GFOD1: variants seen among roughly 807,000 people sequenced by gnomAD.
GFOD1 encodes the protein glucose-fructose oxidoreductase domain-containing protein 1.
In GFOD1, 9 loss-of-function variants were observed where a neutral mutation model predicts 25.4. The ratio of observed to expected loss-of-function variants is 0.35; its 90% CI spans 0.21 to 0.62. The LOEUF (loss-of-function observed/expected upper bound fraction) is 0.62. Ranked by LOEUF, GFOD1 falls within the 20% of genes least tolerant of loss-of-function variation. The pLI, the probability that GFOD1 is intolerant of heterozygous loss-of-function variation, is 0.72. For synonymous variants in GFOD1, 253 were observed against 245.6 expected (o/e 1.03, Z -0.28); for missense variants, 403 against 556.9 (o/e 0.72, Z 2.78).
chr6:13,461,119 G>A (rs1482092574), intron 1 of GFOD1, among the ~76,000 whole-genome samples: 1 of 152,226 alleles, frequency 6.6e-6, no homozygotes, highest in East Asian at 1.9e-4. Flanking sequence ...CTATTGGCAT[G>A]GGTTATGAGT....
At chr6:13,395,961 G>T (rs1211031296) in intron 1 of GFOD1, among the ~76,000 whole-genome samples, 1 of 152,218 alleles carries the variant, frequency 6.6e-6, no homozygotes, top group African/African-American at 2.4e-5. Context: ...AGGGCAGGCG[G>T]AAGGGGATGC....
chr6:13,473,397 T>C (rs1416815364), intron 1 of GFOD1, among the ~76,000 whole-genome samples: 1 of 152,222 alleles, frequency 6.6e-6, no homozygotes, highest in Non-Finnish European at 1.5e-5. Context: ...GAATCAACTT[T>C]TGCAGTTCTT....
intron 1 of GFOD1, among the ~76,000 whole-genome samples, chr6:13,412,778 TC>T (rs1786101172): frequency 6.6e-6 from 1 of 152,192 alleles, no homozygotes; most frequent in Admixed American, 6.5e-5. Context: ...TCTGAGCACT[TC>T]CCCCGCCCTC....
chr6:13,377,333 G>T (rs1024493160), intron 1 of GFOD1, among the ~76,000 whole-genome samples: 2 of 152,136 alleles, frequency 1.3e-5, no homozygotes, highest in East Asian at 1.9e-4. Context: ...AGTTCAGGTG[G>T]GCTCAGCTGG....
intron 1 of GFOD1, among the ~76,000 whole-genome samples, chr6:13,478,505 G>A (rs1758678077): frequency 6.6e-6 from 1 of 152,212 alleles, no homozygotes; most frequent in East Asian, 1.9e-4. Flanking sequence ...CTTGGAGAGT[G>A]CAGCCCAGAT....
At chr6:13,401,240 G>A (rs1341105569) in intron 1 of GFOD1, among the ~76,000 whole-genome samples, 3 of 152,216 alleles carry the variant, frequency 2.0e-5, no homozygotes, top group Non-Finnish European at 4.4e-5. Flanking sequence ...GACTTGAAAG[G>A]TCTAATTGCC....
At chr6:13,474,908 C>A (rs931013614) in intron 1 of GFOD1, among the ~76,000 whole-genome samples, 1 of 152,266 alleles carries the variant, frequency 6.6e-6, no homozygotes, top group South Asian at 2.1e-4. Context: ...CTCCATGAAC[C>A]ATTTCAGTAA....
chr6:13,370,835 T>A (rs1785138688), intron 1 of GFOD1, among the ~76,000 whole-genome samples: 1 of 152,168 alleles, frequency 6.6e-6, no homozygotes, highest in African/African-American at 2.4e-5. Flanking sequence ...GTGGTTGACA[T>A]ACCCCACAAT....
intron 1 of GFOD1, among the ~76,000 whole-genome samples, chr6:13,466,239 A>G (rs1478161601): frequency 6.6e-6 from 1 of 152,246 alleles, no homozygotes; most frequent in African/African-American, 2.4e-5. Context: ...TTATTGCCAT[A>G]TGGCATGGAG....
At chr6:13,373,430 G>A (rs897149848) in intron 1 of GFOD1, among the ~76,000 whole-genome samples, 1 of 152,126 alleles carries the variant, frequency 6.6e-6, no homozygotes, top group East Asian at 1.9e-4. Flanking sequence ...ACTGTTGTGT[G>A]TATATCCTGA....
At chr6:13,387,086 A>G (rs1325146552) in intron 1 of GFOD1, among the ~76,000 whole-genome samples, 2 of 152,200 alleles carry the variant, frequency 1.3e-5, no homozygotes, top group African/African-American at 4.8e-5. Flanking sequence ...GCAATTTTAA[A>G]CACTCAGTTA....
chr6:13,411,711 T>A (rs1786082080), intron 1 of GFOD1, among the ~76,000 whole-genome samples: 1 of 152,224 alleles, frequency 6.6e-6, no homozygotes, highest in African/African-American at 2.4e-5. Context: ...AGGCCTGCCA[T>A]CCAGTCTGTG....
In GFOD1 at chr6:13,358,719, A is replaced by T. The variant is rs1562189323; in HGVS notation, c.*6024T>A. The T allele has an allele frequency of 6.6e-6, 1 of 152,324 alleles. No homozygotes were observed. The highest frequency in any genetic ancestry group is 2.4e-5 in the African/African-American group (1 of 41,468). 9.4% of individuals were successfully genotyped at this position (152,324 alleles called of 1,614,324 possible). ...GCTGCAGGGGACAGTAGAGACCTGG[A>T]AGGGGAAGGAGAGAGACAGTGACCT... On this transcript the variant is annotated 3_prime_UTR_variant, in exon 2 of 2. Transcript: ENST00000379287.
intron 1 of GFOD1, among the ~76,000 whole-genome samples, chr6:13,372,059 C>G (rs1193365591): frequency 6.6e-6 from 1 of 152,212 alleles, no homozygotes; most frequent in Admixed American, 6.5e-5. Flanking sequence ...GGCTTTGGGG[C>G]TTGAACCAAC....
intron 1 of GFOD1, among the ~76,000 whole-genome samples, chr6:13,387,421 G>C (rs1167558632): frequency 2.6e-5 from 4 of 152,164 alleles, no homozygotes; most frequent in Non-Finnish European, 5.9e-5. Flanking sequence ...TATCCACCAT[G>C]ATCAAGTCAG....
chr6:13,369,439 G>A (rs2127555488), intron 1 of GFOD1, among the ~76,000 whole-genome samples: 1 of 152,312 alleles, frequency 6.6e-6, no homozygotes, highest in South Asian at 2.1e-4. Flanking sequence ...TAATTCTGGA[G>A]TTTTGGGGAG....
intron 1 of GFOD1, among the ~76,000 whole-genome samples, chr6:13,431,832 G>T (rs1374227450): frequency 6.6e-6 from 1 of 152,174 alleles, no homozygotes; most frequent in African/African-American, 2.4e-5. Context: ...TTTTCCCAAA[G>T]TCCCTCCTTC....
At chr6:13,415,528 G>T (rs577892192) in intron 1 of GFOD1, among the ~76,000 whole-genome samples, 1 of 152,310 alleles carries the variant, frequency 6.6e-6, no homozygotes, top group Non-Finnish European at 1.5e-5. Flanking sequence ...GGTGGCTGCA[G>T]ATTTCAGAAG....
chr6:13,371,260 C>T (rs1455526543), intron 1 of GFOD1, among the ~76,000 whole-genome samples: 1 of 152,168 alleles, frequency 6.6e-6, no homozygotes, highest in African/African-American at 2.4e-5. Flanking sequence ...AAAGGCTTTC[C>T]CCCTTTTGCC....
Sources: gnomAD v4.1 joint callset for allele counts (sites outside exome capture counted in the v4.1 genomes callset) on GRCh38, gnomAD v4.1.1 for gene constraint, MANE v1.5 for transcripts, NCBI Gene and HGNC (gene_info 2026-07-23, HGNC 2026-07-21) for gene names.